The following SLITRK6 variants were observed in gnomAD, a reference collection of about 807,000 sequenced individuals.
The protein encoded by SLITRK6 is SLIT and NTRK-like protein 6.
Under a neutral mutation model 55.6 loss-of-function variants are expected in SLITRK6, and 35 were observed. The ratio of observed to expected loss-of-function variants is 0.63; its 90% CI spans 0.48 to 0.83. The LOEUF (loss-of-function observed/expected upper bound fraction) is 0.83. Among genes scored for constraint, SLITRK6 ranks in the 40% least tolerant of loss-of-function variants. SLITRK6 has a pLI of 0.00. For missense variants in SLITRK6, 977 were observed against 986.4 expected, an observed-to-expected ratio of 0.99 and a Z score of 0.13; for synonymous variants, 392 against 359.6, an observed-to-expected ratio of 1.09 and a Z score of -1.02.
rs1196075483 is a variant in SLITRK6, at chr13:85,795,051, C to T, written c.1458G>A (p.Lys486=). The T allele has an allele frequency of 6.2e-7, 1 of 1,612,672 alleles. No homozygotes were observed. Among genetic ancestry groups the T allele is most frequent in the East Asian group, 2.2e-5 (1 of 44,828 alleles). ...PHIFSGVPLT[K]VNLKTNQFTH... is the part of the protein sequence containing the mutation. ...TAAACTGGTTTGTTTTAAGATTTAC[C>T]TTAGTTAGAGGAACCCCTGAAAAAA... The change falls in exon 2 of 2, where the codon AAG becomes AAA. Residue 486 remains lysine (K), a synonymous_variant. Transcript: ENST00000647374.
chr13:85,794,163 G>C lies in SLITRK6; in HGVS notation c.2346C>G (p.Leu782=). 6.2e-7 allele frequency: 1 copy of C among 1,612,956 alleles called. No individual in the cohort carries two copies. Among genetic ancestry groups the C allele is most frequent in the Non-Finnish European group, 8.5e-7 (1 of 1,179,428 alleles). Residue 782 remains leucine, a synonymous_variant, in exon 2 of 2, where the codon CTC becomes CTG. Transcript: ENST00000647374. ...TEYLRKNIAQ[L]QPDMEAHYPG... is the part of the protein sequence containing the mutation. ...GATAATGTGCCTCCATATCAGGCTG[G>C]AGCTGAGCAATGTTTTTCCTTAGGT...
chr13:85,792,988 G>A lies in SLITRK6; in HGVS notation c.*995C>T, dbSNP rs1874590889. The A allele has an allele frequency of 6.6e-6, 1 of 152,038 alleles. No individual in the cohort carries two copies. Among genetic ancestry groups the A allele is most frequent in the Non-Finnish European group, 1.5e-5 (1 of 67,792 alleles). The allele number at this position is 152,038 out of a possible 1,614,324, so 9.4% of individuals were successfully genotyped here. On this transcript the variant is annotated 3_prime_UTR_variant, in exon 2 of 2. Coordinates refer to ENST00000647374, the MANE Select transcript of SLITRK6 (RefSeq NM_032229.3). ...ACTTAAACCACTTACCTTTAGAAGT[G>A]CCTTTTGCTACTGATTTATGGCATC...
In SLITRK6 at chr13:85,793,293, A is replaced by G. The variant is rs1309114578; in HGVS notation, c.*690T>C. On this transcript the variant is annotated 3_prime_UTR_variant, in exon 2 of 2. Coordinates refer to ENST00000647374, the MANE Select transcript of SLITRK6 (RefSeq NM_032229.3). Reference sequence around the variant, plus strand: ...TTAAAATTGTCTACACAAAATGTGTAGAAAACCCAAAAAGTATGCTTATTT... The same window carrying G: ...TTAAAATTGTCTACACAAAATGTGTGGAAAACCCAAAAAGTATGCTTATTT... 2 of 152,106 alleles carry G rather than the reference A, an allele frequency of 1.3e-5. No individual in the cohort carries two copies. Among genetic ancestry groups the G allele is most frequent in the Non-Finnish European group, 2.9e-5 (2 of 67,902 alleles). The allele number at this position is 152,106 out of a possible 1,614,324, so 9.4% of individuals were successfully genotyped here.
Position 85,799,239 on chromosome 13 carries a change from C to A in SLITRK6, c.-350G>T, listed in dbSNP as rs1874810395. On this transcript the variant is annotated 5_prime_UTR_variant, in exon 1 of 2. Coordinates refer to ENST00000647374, the MANE Select transcript of SLITRK6 (RefSeq NM_032229.3). ...TTGCATATAGTTAACCATTTGCAAG[C>A]TGCTGAATGCAGTAAGTAAACAAGA... 1 of 152,000 alleles carries A rather than the reference C, an allele frequency of 6.6e-6. No homozygotes were observed. The highest frequency in any genetic ancestry group is 6.6e-5 in the Admixed American group (1 of 15,186). 9.4% of individuals were successfully genotyped at this position (152,000 alleles called of 1,614,324 possible). A position where few individuals can be genotyped will look rare whatever the true frequency, so the allele number is the denominator to read the frequency against.
In SLITRK6 at chr13:85,795,078, A is replaced by T. The variant is rs1237608686; in HGVS notation, c.1431T>A (p.His477Gln). ...NNNLLQVLPP[H>Q]IFSGVPLTKV... is the part of the protein sequence containing the mutation. The stretch of plus-strand genomic sequence containing the variant: ...TAGTTAGAGGAACCCCTGAAAAAAT[A>T]TGTGGTGGTAAAACTTGGAGGAGGT... The change falls in exon 2 of 2, where the codon CAT becomes CAA. Residue 477 changes from histidine to glutamine, a missense_variant. By Grantham distance (24) the His-to-Gln change is conservative. Coordinates refer to ENST00000647374, the MANE Select transcript of SLITRK6 (RefSeq NM_032229.3). The T allele has an allele frequency of 6.2e-7, 1 of 1,613,046 alleles. No individual in the cohort carries two copies. Among genetic ancestry groups the T allele is most frequent in the African/African-American group, 1.3e-5 (1 of 74,960 alleles).
chr13:85,797,781 T>C (rs1316237932), intron 1 of SLITRK6, among the ~76,000 whole-genome samples: 1 of 151,940 alleles, frequency 6.6e-6, no homozygotes, highest in Non-Finnish European at 1.5e-5. Flanking sequence ...ATGACAGTTA[T>C]GCAAGGTAAA....
chr13:85,799,352 A>G lies in SLITRK6; in HGVS notation c.-463T>C, dbSNP rs1874813915. 1 of 151,994 alleles carries G rather than the reference A, an allele frequency of 6.6e-6. No individual in the cohort carries two copies. Among genetic ancestry groups the G allele is most frequent in the Non-Finnish European group, 1.5e-5 (1 of 68,010 alleles). 9.4% of individuals were successfully genotyped at this position (151,994 alleles called of 1,614,324 possible). ...ATGTTCTCCTTCCTCCTTTTCTAGTATTTCTTGTTAGCTCAGTTTGTTATT... is the reference window on the plus strand; with the variant it reads ...ATGTTCTCCTTCCTCCTTTTCTAGTGTTTCTTGTTAGCTCAGTTTGTTATT... On this transcript the variant is annotated 5_prime_UTR_variant, in exon 1 of 2. Coordinates refer to ENST00000647374, the MANE Select transcript of SLITRK6 (RefSeq NM_032229.3).
At chr13:85,797,150 G>A (rs556094156) in intron 1 of SLITRK6, among the ~76,000 whole-genome samples, 1,338 of 93,562 alleles carry the variant, frequency 0.014, 22 homozygotes, top group African/African-American at 0.055. Context: ...TTCGGTTTTG[G>A]CTATATATAT....
At position 85,793,144 on chromosome 13, in the gene SLITRK6, C is replaced by A. The variant is rs999759377; in HGVS notation, c.*839G>T. 4.6e-5 allele frequency: 7 copies of A among 152,092 alleles called. No homozygotes were observed. Among genetic ancestry groups the A allele is most frequent in the Admixed American group, 4.0e-4 (6 of 15,176 alleles). 9.4% of individuals were successfully genotyped at this position (152,092 alleles called of 1,614,324 possible). A position where few individuals can be genotyped will look rare whatever the true frequency, so the allele number is the denominator to read the frequency against. ...AAAGAATTAAGCCTATGAAATAAAG[C>A]AAACCCAATATATTCTCTAGTCATA... is the stretch of plus-strand genomic sequence containing the variant. On this transcript the variant is annotated 3_prime_UTR_variant, in exon 2 of 2. Coordinates refer to ENST00000647374, the MANE Select transcript of SLITRK6 (RefSeq NM_032229.3).
At position 85,795,363 on chromosome 13, in the gene SLITRK6, A is replaced by G. The variant is rs2137169417; in HGVS notation, c.1146T>C (p.Asp382=). Residue 382 remains aspartate, a synonymous_variant, in exon 2 of 2, where the codon GAT becomes GAC. Transcript: ENST00000647374. ...GNIIHSLMKS[D]LVEYFTLEML... is the part of the protein sequence containing the mutation. ...TTTCCAAAGTGAAATATTCCACTAGATCAGACTTCATTAAACTGTGAATAA... is the reference window on the plus strand; with the variant it reads ...TTTCCAAAGTGAAATATTCCACTAGGTCAGACTTCATTAAACTGTGAATAA... 1 of 1,612,814 alleles carries G rather than the reference A, an allele frequency of 6.2e-7. No homozygotes were observed. Among genetic ancestry groups the G allele is most frequent in the Non-Finnish European group, 8.5e-7 (1 of 1,179,380 alleles).
rs1283861921 is a variant in SLITRK6 at position 85,796,441 on chromosome 13, G to A, written c.68C>T (p.Pro23Leu). 9 of 1,604,644 alleles carry A rather than the reference G, an allele frequency of 5.6e-6. No homozygotes were observed. Among genetic ancestry groups the A allele is most frequent in the Non-Finnish European group, 7.6e-6 (9 of 1,176,694 alleles). ...LACISLHSQT[P>L]VLSSRGSCDS... is the part of the protein sequence containing the mutation. ...ACAAGAGCCTCTGGATGAGAGCACTGGAGTTTGGGAGTGTAAAGATATACA... is the reference window on the plus strand; with the variant it reads ...ACAAGAGCCTCTGGATGAGAGCACTAGAGTTTGGGAGTGTAAAGATATACA... Residue 23 changes from proline (P) to leucine (L), a missense_variant, in exon 2 of 2, where the codon CCA becomes CTA. Physicochemically the swap from Pro to Leu is moderately conservative, Grantham distance 98. Coordinates refer to ENST00000647374, the MANE Select transcript of SLITRK6 (RefSeq NM_032229.3).
At position 85,795,108 on chromosome 13, in the gene SLITRK6, A is replaced by G. The variant is rs1170640267; in HGVS notation, c.1401T>C (p.Asn467=). ...GTGGTAAAACTTGGAGGAGGTTGTTATTTAAATACAGGACTTTAAGTTTAG... is the reference window on the plus strand; with the variant it reads ...GTGGTAAAACTTGGAGGAGGTTGTTGTTTAAATACAGGACTTTAAGTTTAG... ...PMPKLKVLYL[N]NNLLQVLPPH... The change falls in exon 2 of 2, where the codon AAT becomes AAC. Residue 467 remains asparagine (N), a synonymous_variant. Coordinates refer to ENST00000647374, the MANE Select transcript of SLITRK6 (RefSeq NM_032229.3). The G allele has an allele frequency of 6.2e-7, 1 of 1,613,030 alleles. No homozygotes were observed. Among genetic ancestry groups the G allele is most frequent in the Non-Finnish European group, 8.5e-7 (1 of 1,179,380 alleles).
chr13:85,794,773 G>C lies in SLITRK6; in HGVS notation c.1736C>G (p.Thr579Ser). Residue 579 changes from threonine (T) to serine (S), a missense_variant, in exon 2 of 2, where the codon ACT becomes AGT. By Grantham distance (58) the Thr-to-Ser change is moderately conservative. Transcript: ENST00000647374. ...LVNNPSMPTQ[T>S]SYLMVTTPAT... The stretch of plus-strand genomic sequence containing the variant: ...AGGAGTGGTGACCATAAGGTAACTA[G>C]TCTGTGTTGGCATGGATGGGTTATT... The C allele has an allele frequency of 6.2e-7, 1 of 1,613,250 alleles. No homozygotes were observed. Among genetic ancestry groups the C allele is most frequent in the Non-Finnish European group, 8.5e-7 (1 of 1,179,544 alleles).
Position 85,796,443 on chromosome 13 carries a change from A to G in SLITRK6, c.66T>C (p.Thr22=), listed in dbSNP as rs760999536. 1 of 1,604,738 alleles carries G rather than the reference A, an allele frequency of 6.2e-7. No individual in the cohort carries two copies. The highest frequency in any genetic ancestry group is 8.5e-7 in the Non-Finnish European group (1 of 1,176,782). ...AAGAGCCTCTGGATGAGAGCACTGG[A>G]GTTTGGGAGTGTAAAGATATACAGG... is the stretch of plus-strand genomic sequence containing the variant. ...LLACISLHSQ[T]PVLSSRGSCD... The change falls in exon 2 of 2, where the codon ACT becomes ACC. Residue 22 remains threonine (T), a synonymous_variant. Transcript: ENST00000647374.
chr13:85,798,097 A>G (rs71440184), intron 1 of SLITRK6, among the ~76,000 whole-genome samples: 1,933 of 152,016 alleles, frequency 0.013, 18 homozygotes, highest in Admixed American at 0.023. Context: ...AGGCAACTGA[A>G]GAAACAAAAC....
rs1459240637 is a variant in SLITRK6 at position 85,798,986 on chromosome 13, C to A, written c.-97G>T. 1.3e-5 allele frequency: 2 copies of A among 151,584 alleles called. No homozygotes were observed. The highest frequency in any genetic ancestry group is 1.3e-4 in the Admixed American group (2 of 15,106). 9.4% of individuals were successfully genotyped at this position (151,584 alleles called of 1,614,324 possible). ...AAGAGGTGTTCAAAGTAATTCAATT[C>A]CTTTATTAAAAAAAAGAAAACACCA... On this transcript the variant is annotated 5_prime_UTR_variant, in exon 1 of 2. Transcript: ENST00000647374.
rs1355777515 is a variant in SLITRK6, at chr13:85,795,233, A to G, written c.1276T>C (p.Leu426=). 3.1e-6 allele frequency: 5 copies of G among 1,612,476 alleles called. No individual in the cohort carries two copies. In the South Asian group the frequency reaches 4.4e-5, roughly 14 times the overall value. ...AGACCAAGGAACATGCCTTTACTTAATTTGGTCAGGTGGTTACCATTTAGA... is the reference window on the plus strand; with the variant it reads ...AGACCAAGGAACATGCCTTTACTTAGTTTGGTCAGGTGGTTACCATTTAGA... ...LYLNGNHLTK[L]SKGMFLGLHN... The change falls in exon 2 of 2, where the codon TTA becomes CTA. Residue 426 remains leucine, a synonymous_variant. Coordinates refer to ENST00000647374, the MANE Select transcript of SLITRK6 (RefSeq NM_032229.3).
Position 85,794,834 on chromosome 13 carries a change from C to T in SLITRK6, c.1675G>A (p.Ala559Thr), listed in dbSNP as rs1487061945. Reference protein sequence around the residue: ...PGHLDKKELKALNSEILCPGL... With the variant: ...PGHLDKKELKTLNSEILCPGL... ...GGACAGAGAATTTCACTATTTAGGGCTTTCAATTCCTTTTTGTCGAGATGC... is the reference window on the plus strand; with the variant it reads ...GGACAGAGAATTTCACTATTTAGGGTTTTCAATTCCTTTTTGTCGAGATGC... Residue 559 changes from alanine to threonine, a missense_variant, in exon 2 of 2, where the codon GCC becomes ACC. By Grantham distance (58) the Ala-to-Thr change is moderately conservative (BLOSUM62 0). Transcript: ENST00000647374. The T allele has an allele frequency of 1.2e-6, 2 of 1,613,158 alleles. No individual in the cohort carries two copies. Among genetic ancestry groups the T allele is most frequent in the African/African-American group, 1.3e-5 (1 of 74,942 alleles).
At position 85,793,850 on chromosome 13, in the gene SLITRK6, C is replaced by CT. The variant is rs556378713; in HGVS notation, c.*132dup. The CT allele has an allele frequency of 0.038, 38,873 of 1,019,602 alleles. 731 individuals are homozygous for CT. Among genetic ancestry groups the CT allele is most frequent in the South Asian group, 0.11 (4,508 of 40,116 alleles). 63.2% of individuals were successfully genotyped at this position (1,019,602 alleles called of 1,614,324 possible). A position where few individuals can be genotyped will look rare whatever the true frequency, so the allele number is the denominator to read the frequency against. ...GATCCCTGAGTTTCTTTTTCTTCTT[C>CT]TTTTTTTTTCCCCATAGTTTACTGC... On this transcript the variant is annotated 3_prime_UTR_variant, in exon 2 of 2. Coordinates refer to ENST00000647374, the MANE Select transcript of SLITRK6 (RefSeq NM_032229.3).
Sources: gnomAD v4.1 joint callset for allele counts (sites outside exome capture counted in the v4.1 genomes callset) on GRCh38, gnomAD v4.1.1 for gene constraint, MANE v1.5 for transcripts, NCBI Gene and HGNC (gene_info 2026-07-23, HGNC 2026-07-21) for gene names.